CAPN9: variants seen among roughly 807,000 people sequenced by gnomAD.
CAPN9 encodes calpain-9.
A neutral mutation model predicts 92.8 loss-of-function variants in CAPN9; 81 were observed. That is an observed-to-expected ratio of 0.87 (90% CI 0.73 to 1.05). The LOEUF is 1.05. CAPN9 is among the 50% of genes least tolerant of loss of function. The pLI is 0.00. For synonymous variants in CAPN9, 304 were observed against 328.0 expected, an observed-to-expected ratio of 0.93 and a Z score of 0.79; for missense variants, 848 against 866.2, an observed-to-expected ratio of 0.98 and a Z score of 0.26.
chr1:230,770,675 T>C (rs1276947913), intron 6 of CAPN9, among the ~76,000 whole-genome samples: 1 of 151,982 alleles, frequency 6.6e-6, no homozygotes, highest in African/African-American at 2.4e-5. Flanking sequence ...AAAGAAAGAA[T>C]TGAATGAAAG....
intron 3 of CAPN9, among the ~76,000 whole-genome samples, chr1:230,760,874 AGCAGAACTACTGCCTCTAAACCAGAACC>A (rs1665588602): frequency 7.3e-6 from 1 of 137,774 alleles, no homozygotes; most frequent in Admixed American, 8.3e-5. Flanking sequence ...AACCAGAACC[AGCAGAACTACTGCCTCTAAACCAGAACC>A]AGAACCACCA....
At chr1:230,751,273 C>A (rs1664746751) in intron 1 of CAPN9, among the ~76,000 whole-genome samples, 1 of 152,160 alleles carries the variant, frequency 6.6e-6, no homozygotes, top group Non-Finnish European at 1.5e-5. Context: ...GCCCCAAAGG[C>A]CCCATGGCCT....
At chr1:230,774,733 TTCTTTC>T (rs2102880429) in intron 8 of CAPN9, 102 bp downstream of exon 8, 6 of 716,620 alleles carry the variant, frequency 8.4e-6, no homozygotes, top group Non-Finnish European at 1.1e-5. Flanking sequence ...TTTTCTTTCT[TTCTTTC>T]TTTTTTTTTT....
intron 5 of CAPN9, 79 bp from the exon 6 acceptor site, chr1:230,769,101 A>G: frequency 8.8e-7 from 1 of 1,138,180 alleles, no homozygotes; most frequent in Admixed American, 1.7e-5. Flanking sequence ...TGACCGGGCC[A>G]GGCATGTAGC....
At chr1:230,791,705 G>A (rs1019049543) in intron 14 of CAPN9, among the ~76,000 whole-genome samples, 159 bp from the exon 15 acceptor site, 25 of 152,174 alleles carry the variant, frequency 1.6e-4, no homozygotes, top group Admixed American at 1.6e-3. Flanking sequence ...CCTTCTGAAA[G>A]GTCATGTTAA....
chr1:230,762,643 T>C lies in CAPN9; in HGVS notation c.403-10T>C. On this transcript the variant is annotated splice_polypyrimidine_tract_variant and intron_variant, in intron 3 of 19. Transcript: ENST00000271971. Reference sequence around the variant, plus strand: ...ACTCGCATCATTTCTGTCTTTTTCCTGGGCAACAGTTCTGGCAGCACAGTG... The same window carrying C: ...ACTCGCATCATTTCTGTCTTTTTCCCGGGCAACAGTTCTGGCAGCACAGTG... 1 of 1,613,170 alleles carries C rather than the reference T, an allele frequency of 6.2e-7. No homozygotes were observed. The highest frequency in any genetic ancestry group is 8.5e-7 in the Non-Finnish European group (1 of 1,179,576).
intron 17 of CAPN9, among the ~76,000 whole-genome samples, chr1:230,794,582 T>C (rs1414561537): frequency 6.6e-6 from 1 of 152,218 alleles, no homozygotes; most frequent in East Asian, 1.9e-4. Flanking sequence ...TGAACCCATA[T>C]GCCACGGCTG....
intron 1 of CAPN9, among the ~76,000 whole-genome samples, chr1:230,751,631 GAAAGAA>G (rs1558080049): frequency 3.5e-5 from 3 of 86,516 alleles, no homozygotes; most frequent in East Asian, 2.9e-4. Context: ...AAGAAAGAAA[GAAAGAA>G]AGAAAGAAAG....
chr1:230,756,970 AAAGAAGGAAGGGAGAG>A (rs1665261305), intron 2 of CAPN9, among the ~76,000 whole-genome samples: 1 of 149,994 alleles, frequency 6.7e-6, no homozygotes, highest in African/African-American at 2.5e-5. Flanking sequence ...AAAAGGAAGG[AAAGAAGGAAGGGAGAG>A]AGGGAGGAAG....
At chr1:230,759,425 A>G in intron 2 of CAPN9, 87 bp from the exon 3 acceptor site, 1 of 902,566 alleles carries the variant, frequency 1.1e-6, no homozygotes, top group Admixed American at 2.3e-5. Flanking sequence ...CACATCTGAA[A>G]CTCCCCACAT....
intron 3 of CAPN9, among the ~76,000 whole-genome samples, chr1:230,762,411 T>C (rs1290034274): frequency 6.6e-6 from 1 of 152,254 alleles, no homozygotes; most frequent in Non-Finnish European, 1.5e-5. Context: ...CCTGCGGCTT[T>C]GATGGGTTGA....
intron 11 of CAPN9, among the ~76,000 whole-genome samples, chr1:230,780,927 G>A (rs1667176414): frequency 1.3e-5 from 2 of 151,210 alleles, no homozygotes; most frequent in Non-Finnish European, 2.9e-5. Context: ...GTGCAATGGT[G>A]CCATCTCAGC....
intron 18 of CAPN9, 179 bp downstream of exon 18, chr1:230,795,458 T>TCC (rs1172759144): frequency 1.3e-5 from 7 of 554,502 alleles, no homozygotes; most frequent in African/African-American, 5.7e-5. Context: ...TGTGCCAGCC[T>TCC]CCCCTGCAGC....
chr1:230,771,907 A>T, intron 6 of CAPN9, 107 bp from the exon 7 acceptor site: 1 of 885,254 alleles, frequency 1.1e-6, no homozygotes, highest in Non-Finnish European at 1.9e-6. Context: ...GACTTTCAAC[A>T]GAACCAGTTC....
intron 19 of CAPN9, 22 bp downstream of exon 19, chr1:230,798,242 T>C (rs753160793): frequency 1.3e-6 from 2 of 1,576,026 alleles, no homozygotes; most frequent in East Asian, 2.2e-5. Context: ...CCAGACCCTC[T>C]GCTCAGGGAC....
chr1:230,800,777 T>G (rs1668680474), intron 19 of CAPN9, among the ~76,000 whole-genome samples: 1 of 152,220 alleles, frequency 6.6e-6, no homozygotes, highest in African/African-American at 2.4e-5. Context: ...GCATTGTTTT[T>G]CTTTAATCCC....
intron 13 of CAPN9, among the ~76,000 whole-genome samples, chr1:230,788,078 C>A (rs1273717066): frequency 6.6e-6 from 1 of 152,126 alleles, no homozygotes; most frequent in Non-Finnish European, 1.5e-5. Context: ...GTCTCAAACT[C>A]CTAGGCTCAA....
intron 11 of CAPN9, among the ~76,000 whole-genome samples, chr1:230,781,768 C>T (rs28359690): frequency 5.1e-4 from 78 of 152,326 alleles, no homozygotes; most frequent in African/African-American, 1.7e-3. Flanking sequence ...GCTGTGAATA[C>T]ATGACTCACT....
At chr1:230,751,028 T>G (rs958131511) in intron 1 of CAPN9, among the ~76,000 whole-genome samples, 1 of 152,176 alleles carries the variant, frequency 6.6e-6, no homozygotes, top group African/African-American at 2.4e-5. Context: ...CCATCCCTCC[T>G]TGTCTGCCTG....
Sources: allele counts gnomAD v4.1 joint callset (sites outside exome capture counted in the v4.1 genomes callset), GRCh38; gene constraint gnomAD v4.1.1; transcripts MANE v1.5; gene names NCBI Gene and HGNC (gene_info 2026-07-23, HGNC 2026-07-21).